ASCC3: variants seen among roughly 807,000 people sequenced by gnomAD.
ASCC3 encodes ASC-1 complex subunit P200.
Under a neutral mutation model 256.3 loss-of-function variants are expected in ASCC3, and 158 were observed. The ratio of observed to expected loss-of-function variants is 0.62; its 90% CI spans 0.54 to 0.70. The LOEUF (loss-of-function observed/expected upper bound fraction) is 0.70, where lower values mean the gene tolerates loss of function less well. Ranked by LOEUF, ASCC3 falls within the 30% of genes least tolerant of loss-of-function variation. ASCC3 has a pLI of 0.00. For missense variants in ASCC3, 2,259 were observed against 2,626.0 expected (o/e 0.86, Z 3.05); for synonymous variants, 948 against 883.4 (o/e 1.07, Z -1.30).
At chr6:100,514,985 T>C (rs1319431093) in intron 39 of ASCC3, among the ~76,000 whole-genome samples, 3 of 152,200 alleles carry the variant, frequency 2.0e-5, no homozygotes, top group Non-Finnish European at 4.4e-5. Context: ...GAAGCACTTT[T>C]GAGCCAAATA....
intron 1 of ASCC3, among the ~76,000 whole-genome samples, chr6:100,874,409 T>A (rs1773891598): frequency 7.7e-6 from 1 of 129,566 alleles, no homozygotes; most frequent in Admixed American, 1.0e-4. Context: ...GAGGTTGCAG[T>A]GAGCAGAGAT....
At chr6:100,580,295 G>T (rs1490943765) in intron 36 of ASCC3, among the ~76,000 whole-genome samples, 2 of 151,826 alleles carry the variant, frequency 1.3e-5, no homozygotes, top group Non-Finnish European at 2.9e-5. Context: ...ATATAGCTCA[G>T]TTCAAGATTA....
chr6:100,547,606 T>C (rs1023542787), intron 36 of ASCC3, among the ~76,000 whole-genome samples: 2 of 151,926 alleles, frequency 1.3e-5, no homozygotes, highest in Non-Finnish European at 2.9e-5. Context: ...AAATATAAAT[T>C]AGAATGGCCA....
At chr6:100,567,945 T>C (rs1770356696) in intron 36 of ASCC3, among the ~76,000 whole-genome samples, 1 of 152,236 alleles carries the variant, frequency 6.6e-6, no homozygotes, top group Non-Finnish European at 1.5e-5. Flanking sequence ...TAGTTGTTTC[T>C]AGTTCTTTAA....
intron 10 of ASCC3, among the ~76,000 whole-genome samples, chr6:100,738,950 T>C (rs1780303772): frequency 1.3e-5 from 2 of 152,194 alleles, no homozygotes; most frequent in Admixed American, 1.3e-4. Context: ...CTTGCCTGAT[T>C]GCCCTGGTGA....
Position 100,532,497 on chromosome 6 carries a change from A to G in ASCC3, c.5775+7666T>C, listed in dbSNP as rs569142916. ...TTCTCTGTTCACTTACTGACACTCA[A>G]AGAAGGGTTTCTTGCTTTCTTAAAC... On this transcript the variant is annotated intron_variant, in intron 37 of 41. Transcript: ENST00000369162. Among the ~76,000 whole-genome samples, 3 of 150,624 alleles carry G rather than the reference A, an allele frequency of 2.0e-5. No individual in the cohort carries two copies. In the South Asian group the frequency reaches 6.3e-4, roughly 31 times the overall value.
chr6:100,613,279 T>G (rs1385203751), intron 30 of ASCC3, among the ~76,000 whole-genome samples: 1 of 152,032 alleles, frequency 6.6e-6, no homozygotes, highest in Non-Finnish European at 1.5e-5. Flanking sequence ...AAGTCTCCAT[T>G]GTATATTATT....
At chr6:100,795,692 AG>A (rs1769576625) in intron 8 of ASCC3, among the ~76,000 whole-genome samples, 1 of 152,194 alleles carries the variant, frequency 6.6e-6, no homozygotes, top group African/African-American at 2.4e-5. Flanking sequence ...ATTCTCCTTA[AG>A]TTTTTAATCA....
intron 30 of ASCC3, among the ~76,000 whole-genome samples, chr6:100,608,123 TATAC>T (rs1213259409): frequency 8.1e-5 from 10 of 123,288 alleles, no homozygotes; most frequent in African/African-American, 3.2e-4. Flanking sequence ...TATATCTATA[TATAC>T]ATATATATGT....
intron 4 of ASCC3, among the ~76,000 whole-genome samples, chr6:100,839,453 C>A (rs1178307417): frequency 6.6e-6 from 1 of 152,100 alleles, no homozygotes; most frequent in Admixed American, 6.6e-5. Flanking sequence ...AAATTGGAAA[C>A]ATATATTTAA....
At chr6:100,611,010 G>A (rs240113) in intron 30 of ASCC3, among the ~76,000 whole-genome samples, 85,618 of 151,954 alleles carry the variant, frequency 0.56, 24,347 homozygotes, top group East Asian at 0.73. Flanking sequence ...GTAGTGCCCC[G>A]TGGCAATGCC....
rs532321361 is a variant in ASCC3, at chr6:100,610,887, C to T, written c.4786-3799G>A. 2.0e-5 allele frequency among the ~76,000 whole-genome samples: 3 copies of T among 152,252 alleles called. No individual in the cohort carries two copies. In the South Asian group the frequency reaches 6.2e-4, roughly 32 times the overall value. On this transcript the variant is annotated intron_variant, in intron 30 of 41. Coordinates refer to ENST00000369162, the MANE Select transcript of ASCC3 (RefSeq NM_006828.4). ...TTCAATAGTTCACAGCATAAAATGTCTTCAATTTACACTACAAGGAACTAA... is the reference window on the plus strand; with the variant it reads ...TTCAATAGTTCACAGCATAAAATGTTTTCAATTTACACTACAAGGAACTAA...
At chr6:100,860,400 T>C (rs1562351261) in intron 3 of ASCC3, among the ~76,000 whole-genome samples, 2 of 151,886 alleles carry the variant, frequency 1.3e-5, no homozygotes, top group Admixed American at 6.6e-5. Flanking sequence ...TGTAAAAAGG[T>C]ATGGGAATAT....
At chr6:100,641,775 C>T (rs1258481277) in intron 24 of ASCC3, among the ~76,000 whole-genome samples, 3 of 152,088 alleles carry the variant, frequency 2.0e-5, no homozygotes, top group Non-Finnish European at 2.9e-5. Context: ...AAATGTCCAA[C>T]GATGACAGAC....
chr6:100,796,542 T>C (rs1318793637), intron 8 of ASCC3, among the ~76,000 whole-genome samples: 1 of 152,094 alleles, frequency 6.6e-6, no homozygotes, highest in Non-Finnish European at 1.5e-5. Context: ...GGTGGAGTCC[T>C]AACCTGATAG....
intron 8 of ASCC3, among the ~76,000 whole-genome samples, chr6:100,780,028 C>T (rs1281652359): frequency 6.6e-6 from 1 of 152,132 alleles, no homozygotes; most frequent in African/African-American, 2.4e-5. Flanking sequence ...TAATTCATCA[C>T]TGTCCAATGG....
At chr6:100,784,535 C>A (rs1782601329) in intron 8 of ASCC3, among the ~76,000 whole-genome samples, 1 of 151,970 alleles carries the variant, frequency 6.6e-6, no homozygotes, top group Admixed American at 6.6e-5. Flanking sequence ...ATTCATGACA[C>A]ATTCTCCATG....
chr6:100,642,419 G>A (rs148339399), intron 24 of ASCC3, among the ~76,000 whole-genome samples, 162 bp downstream of exon 24: 1 of 152,052 alleles, frequency 6.6e-6, no homozygotes, highest in East Asian at 1.9e-4. Flanking sequence ...TTTACAGAGA[G>A]AACAGATTAA....
At chr6:100,526,417 T>C (rs1774580641) in intron 37 of ASCC3, among the ~76,000 whole-genome samples, 1 of 152,138 alleles carries the variant, frequency 6.6e-6, no homozygotes, top group Non-Finnish European at 1.5e-5. Flanking sequence ...AATAGCATCA[T>C]ATCATCAACA....
Sources: gnomAD v4.1 joint callset for allele counts (sites outside exome capture counted in the v4.1 genomes callset) on GRCh38, gnomAD v4.1.1 for gene constraint, MANE v1.5 for transcripts, NCBI Gene and HGNC (gene_info 2026-07-23, HGNC 2026-07-21) for gene names.